The following NPHP3 variants were observed in gnomAD, a reference collection of about 807,000 sequenced individuals.
NPHP3 encodes the protein nephrocystin 3.
NPHP3 carries 123 observed loss-of-function variants against 171.9 expected under a neutral mutation model. The observed-to-expected ratio is 0.72, with a 90% CI of 0.62 to 0.83. The LOEUF (loss-of-function observed/expected upper bound fraction) is 0.83. Among genes scored for constraint, NPHP3 ranks in the 40% least tolerant of loss-of-function variants. The pLI, the probability that NPHP3 is intolerant of heterozygous loss-of-function variation, is 0.00. For missense variants in NPHP3, 1,506 were observed against 1,591.9 expected, an observed-to-expected ratio of 0.95 and a Z score of 0.92; for synonymous variants, 558 against 579.2, an observed-to-expected ratio of 0.96 and a Z score of 0.52.
intron 6 of NPHP3, among the ~76,000 whole-genome samples, chr3:132,710,938 C>A (rs1284425477): frequency 6.6e-6 from 1 of 152,156 alleles, no homozygotes; most frequent in Non-Finnish European, 1.5e-5. Flanking sequence ...TGCTCCAAAT[C>A]CAATCATTTC....
rs371293308 is a variant in NPHP3, at chr3:132,684,767, G to A, written c.3357C>T (p.Ser1119=). The A allele has an allele frequency of 4.3e-6, 7 of 1,613,576 alleles. No individual in the cohort carries two copies. The highest frequency in any genetic ancestry group is 5.9e-6 in the Non-Finnish European group (7 of 1,179,970). ...LETADQFLKR[S]LEMRERVLGP... ...CTAGAACTCGCTCCCTCATTTCTAA[G>A]GAACGCTTCAGAAACTGGTCAGCTG... The change falls in exon 24 of 27, where the codon TCC becomes TCT. Residue 1119 remains serine, a synonymous_variant. Coordinates refer to ENST00000337331, the MANE Select transcript of NPHP3 (RefSeq NM_153240.5).
At chr3:132,718,210 G>A in intron 3 of NPHP3, 1 of 307,120 alleles carries the variant, frequency 3.3e-6, no homozygotes, top group Non-Finnish European at 6.4e-6. Context: ...CATTACAAAT[G>A]GGAGAGTGAC....
chr3:132,719,010 G>A lies in NPHP3; in HGVS notation c.654C>T (p.Asn218=), dbSNP rs1172778714. 1 of 1,614,110 alleles carries A rather than the reference G, an allele frequency of 6.2e-7. No homozygotes were observed. Among genetic ancestry groups the A allele is most frequent in the South Asian group, 1.1e-5 (1 of 91,086 alleles). The stretch of plus-strand genomic sequence containing the variant: ...TACACTTACCAGTGACATCTGTACA[G>A]TTGTCATCTGAATCAGACTCCCCAG... ...FDPGESDSDD[N]CTDVTAAGTQ... is the part of the protein sequence containing the mutation. The change falls in exon 3 of 27, where the codon AAC becomes AAT. Residue 218 remains asparagine (N), a synonymous_variant. Coordinates refer to ENST00000337331, the MANE Select transcript of NPHP3 (RefSeq NM_153240.5).
chr3:132,705,444 TA>T, intron 8 of NPHP3, among the ~76,000 whole-genome samples: 1 of 152,184 alleles, frequency 6.6e-6, no homozygotes. Flanking sequence ...CCCTATTGAA[TA>T]AAATGAACAC....
chr3:132,704,840 C>T (rs1176928915), intron 8 of NPHP3, among the ~76,000 whole-genome samples: 1 of 152,154 alleles, frequency 6.6e-6, no homozygotes, highest in African/African-American at 2.4e-5. Flanking sequence ...ATGGTAAGTA[C>T]ATTCACTTTC....
rs1367442796 is a variant in NPHP3, at chr3:132,680,680, A to G, written c.*1230T>C. ...TACATATTTCACTTTTACAATCAAT[A>G]CATGTTAGGATCTTACAAGTATTAA... On this transcript the variant is annotated 3_prime_UTR_variant, in exon 27 of 27. Transcript: ENST00000337331. 2.0e-5 allele frequency: 3 copies of G among 152,232 alleles called. No individual in the cohort carries two copies. Among genetic ancestry groups the G allele is most frequent in the Non-Finnish European group, 4.4e-5 (3 of 68,042 alleles). The allele number at this position is 152,232 out of a possible 1,614,324, so 9.4% of individuals were successfully genotyped here.
rs1215885580 is a variant in NPHP3, at chr3:132,713,176, T to C, written c.1068A>G (p.Glu356=). The change falls in exon 6 of 27, where the codon GAA becomes GAG. Residue 356 remains glutamate (E), a synonymous_variant. Coordinates refer to ENST00000337331, the MANE Select transcript of NPHP3 (RefSeq NM_153240.5). The part of the protein sequence containing the change: ...ENQYLTVRKW[E]IEKSSLVILF... ...AAATAACTAAAGAACTTTTCTCAAT[T>C]TCCCATTTTCTTACAGTGAGGTATT... The C allele has an allele frequency of 6.5e-7, 1 of 1,528,998 alleles. No individual in the cohort carries two copies. The highest frequency in any genetic ancestry group is 1.4e-5 in the African/African-American group (1 of 72,618). 94.7% of individuals were successfully genotyped at this position (1,528,998 alleles called of 1,614,324 possible).
intron 4 of NPHP3, among the ~76,000 whole-genome samples, chr3:132,716,465 A>T (rs1940054036): frequency 1.3e-5 from 2 of 152,300 alleles, no homozygotes; most frequent in South Asian, 4.1e-4. Context: ...TTTTTCAATT[A>T]ATCTACATTA....
Position 132,687,242 on chromosome 3 carries a change from C to T in NPHP3, c.3126-16G>A, listed in dbSNP as rs769918273. 9.2e-7 allele frequency: 1 copy of T among 1,090,114 alleles called. No homozygotes were observed. Among genetic ancestry groups the T allele is most frequent in the South Asian group, 1.3e-5 (1 of 79,552 alleles). 67.5% of individuals were successfully genotyped at this position (1,090,114 alleles called of 1,614,324 possible). ...TTGTTCATATCTTAAAAAAAAATTA[C>T]AGTAAGTCAAACAAAAGAAACATAT... On this transcript the variant is annotated splice_polypyrimidine_tract_variant and intron_variant, in intron 21 of 26. Transcript: ENST00000337331.
At chr3:132,700,993 T>G (rs563107061) in intron 10 of NPHP3, among the ~76,000 whole-genome samples, 1 of 152,336 alleles carries the variant, frequency 6.6e-6, no homozygotes, top group Non-Finnish European at 1.5e-5. Flanking sequence ...AGATTATCCT[T>G]AATTTTGATG....
At chr3:132,701,696 G>A (rs1340529819) in intron 9 of NPHP3, among the ~76,000 whole-genome samples, 163 bp from the exon 10 acceptor site, 2 of 152,134 alleles carry the variant, frequency 1.3e-5, no homozygotes, top group East Asian at 3.9e-4. Flanking sequence ...TTTTATGGCT[G>A]GCAAAAACAT....
intron 10 of NPHP3, among the ~76,000 whole-genome samples, chr3:132,701,135 T>A (rs746994025): frequency 1.3e-5 from 2 of 152,166 alleles, no homozygotes; most frequent in Admixed American, 1.3e-4. Flanking sequence ...TAACATGTGT[T>A]ATATGACATA....
At chr3:132,705,552 G>A (rs1302902875) in intron 8 of NPHP3, 188 bp downstream of exon 8, 1 of 485,186 alleles carries the variant, frequency 2.1e-6, no homozygotes, top group Non-Finnish European at 3.8e-6. Flanking sequence ...GAGAGATAAA[G>A]ATATTAATAC....
Position 132,697,526 on chromosome 3 carries a change from T to TACTC in NPHP3, c.1986-165_1986-164insGAGT, listed in dbSNP as rs10670383. Among the ~76,000 whole-genome samples the TACTC allele has an allele frequency of 0.41, 61,551 of 151,730 alleles. 15,150 individuals carry two copies. The highest frequency in any genetic ancestry group is 0.76 in the East Asian group (3,890 of 5,114). ...ATCATATTAAGTAATTAATATATCTTATTCTAATATGTGTATCATTACTTT... is the reference window on the plus strand; with the variant it reads ...ATCATATTAAGTAATTAATATATCTTACTCATTCTAATATGTGTATCATTACTTT... On this transcript the variant is annotated intron_variant, in intron 13 of 26. Coordinates refer to ENST00000337331, the MANE Select transcript of NPHP3 (RefSeq NM_153240.5).
intron 8 of NPHP3, among the ~76,000 whole-genome samples, chr3:132,704,914 G>C (rs916927495): frequency 2.0e-5 from 3 of 152,148 alleles, no homozygotes; most frequent in Admixed American, 2.0e-4. Flanking sequence ...AGATTGTGAA[G>C]CTCAAATTTG....
intron 16 of NPHP3, chr3:132,693,474 CATT>C (rs1417560706): frequency 6.6e-6 from 1 of 152,552 alleles, no homozygotes; most frequent in Non-Finnish European, 1.5e-5. Flanking sequence ...ATGAGAAAAA[CATT>C]AGCCCACAGA....
chr3:132,701,339 C>T (rs1408032895), intron 10 of NPHP3, 91 bp downstream of exon 10: 17 of 848,178 alleles, frequency 2.0e-5, no homozygotes, highest in East Asian at 5.2e-5. Context: ...TAGTGTAGGC[C>T]GCGCAGGAAG....
chr3:132,699,518 C>T, intron 12 of NPHP3, 68 bp from the exon 13 acceptor site: 1 of 1,004,494 alleles, frequency 1.0e-6, no homozygotes, highest in Non-Finnish European at 1.5e-6. Context: ...ATAATAGCTC[C>T]CCAAATAAAA....
rs1008953110 is a variant in NPHP3 at position 132,682,924 on chromosome 3, T to C, written c.3697-106A>G. On this transcript the variant is annotated intron_variant, in intron 25 of 26. Transcript: ENST00000337331. The stretch of plus-strand genomic sequence containing the variant: ...TTAGTACTTTAAAATGTTAATATCC[T>C]CCTAAAAGATGGGAATAAACAGATT... 5.4e-6 allele frequency: 4 copies of C among 735,742 alleles called. No homozygotes were observed. The African/African-American group carries it at 7.0e-5, about 13-fold the overall frequency. The allele number at this position is 735,742 out of a possible 1,614,324, so 45.6% of individuals were successfully genotyped here.
Sources: allele counts gnomAD v4.1 joint callset (sites outside exome capture counted in the v4.1 genomes callset), GRCh38; gene constraint gnomAD v4.1.1; transcripts MANE v1.5; gene names NCBI Gene and HGNC (gene_info 2026-07-23, HGNC 2026-07-21).